Variants in GORASP2 observed in about 807,000 individuals in gnomAD.
The protein encoded by GORASP2 is golgi reassembly stacking protein 2, also known as Golgi reassembly-stacking protein 2.
A neutral mutation model predicts 45.7 loss-of-function variants in GORASP2; 22 were observed. The ratio of observed to expected loss-of-function variants is 0.48; its 90% confidence interval spans 0.34 to 0.69. The LOEUF (loss-of-function observed/expected upper bound fraction) is 0.69, where lower values mean the gene tolerates loss of function less well. GORASP2 is among the 30% of genes least tolerant of loss of function. The pLI, the probability that GORASP2 is intolerant of heterozygous loss-of-function variation, is 0.01. For missense variants in GORASP2, 491 were observed against 562.7 expected, an observed-to-expected ratio of 0.87 and a Z score of 1.29; for synonymous variants, 221 against 215.6, an observed-to-expected ratio of 1.02 and a Z score of -0.22.
intron 7 of GORASP2, among the ~76,000 whole-genome samples, chr2:170,961,459 T>C (rs1454202188): frequency 3.3e-5 from 5 of 152,222 alleles, no homozygotes; most frequent in African/African-American, 1.2e-4. Flanking sequence ...TCACAGGCTC[T>C]GGTAACAGCC....
intron 1 of GORASP2, among the ~76,000 whole-genome samples, chr2:170,936,043 C>T (rs956133468): frequency 6.6e-6 from 1 of 152,068 alleles, no homozygotes; most frequent in Non-Finnish European, 1.5e-5. Flanking sequence ...ACTAACAGGG[C>T]TTTTTAATAA....
At chr2:170,937,951 C>T (rs1184326794) in intron 1 of GORASP2, among the ~76,000 whole-genome samples, 1 of 152,166 alleles carries the variant, frequency 6.6e-6, no homozygotes, top group Non-Finnish European at 1.5e-5. Flanking sequence ...CATTCTGTTT[C>T]CTTGAGCAAC....
At chr2:170,929,543 G>A in intron 1 of GORASP2, 140 bp downstream of exon 1, 1 of 716,920 alleles carries the variant, frequency 1.4e-6, no homozygotes, top group Non-Finnish European at 2.2e-6. Context: ...CGCTGCCTTG[G>A]TCGAGGCTGG....
intron 1 of GORASP2, among the ~76,000 whole-genome samples, chr2:170,931,964 A>T (rs548851860): frequency 3.3e-5 from 5 of 152,366 alleles, no homozygotes; most frequent in African/African-American, 1.2e-4. Context: ...ACAGTGGCTC[A>T]CACCTGTAAT....
At chr2:170,932,240 G>C (rs1703841442) in intron 1 of GORASP2, among the ~76,000 whole-genome samples, 1 of 152,046 alleles carries the variant, frequency 6.6e-6, no homozygotes. Flanking sequence ...AAAAAAAAGA[G>C]TCTCTTCTTC....
chr2:170,952,003 G>A (rs769612996), intron 5 of GORASP2, among the ~76,000 whole-genome samples: 4 of 152,214 alleles, frequency 2.6e-5, no homozygotes, highest in Admixed American at 1.3e-4. Flanking sequence ...CATTGCCCAG[G>A]TTTGTAAATG....
At chr2:170,957,199 A>G (rs369948720) in intron 7 of GORASP2, among the ~76,000 whole-genome samples, 160 of 152,248 alleles carry the variant, frequency 1.1e-3, no homozygotes, top group African/African-American at 3.7e-3. Flanking sequence ...AGTAGTAGGC[A>G]CTGAGGATGC....
At chr2:170,954,559 CTCTTGGGTTA>C in intron 5 of GORASP2, 81 bp from the exon 6 acceptor site, 1 of 1,013,262 alleles carries the variant, frequency 9.9e-7, no homozygotes, top group Non-Finnish European at 1.5e-6. Context: ...TGAATCTATG[CTCTTGGGTTA>C]CCCGCCCCCC....
intron 1 of GORASP2, among the ~76,000 whole-genome samples, chr2:170,930,315 GT>G (rs1400066005): frequency 6.6e-6 from 1 of 152,206 alleles, no homozygotes; most frequent in East Asian, 1.9e-4. Context: ...ATTGATGGTT[GT>G]TTGCTGTGAC....
chr2:170,943,550 G>A lies in GORASP2; in HGVS notation c.64-4800G>A, dbSNP rs1023344834. Reference sequence around the variant, plus strand: ...GCAAATGAGAAAATTGAGGCCCAGCGTGGTAAATAAACTTTACCAAGCTCA... The same window carrying A: ...GCAAATGAGAAAATTGAGGCCCAGCATGGTAAATAAACTTTACCAAGCTCA... On this transcript the variant is annotated intron_variant, in intron 1 of 9. Coordinates refer to ENST00000234160, the MANE Select transcript of GORASP2 (RefSeq NM_015530.5). Among the ~76,000 whole-genome samples the A allele has an allele frequency of 5.9e-5, 9 of 152,296 alleles. No individual in the cohort carries two copies. The South Asian group carries it at 6.2e-4, about 11-fold the overall frequency.
intron 9 of GORASP2, 136 bp from the exon 10 acceptor site, chr2:170,965,654 C>T: frequency 3.0e-6 from 2 of 664,036 alleles, no homozygotes; most frequent in Non-Finnish European, 5.3e-6. Context: ...ATCTGGAAAT[C>T]AGCCAAGGTT....
chr2:170,942,232 TTACA>T (rs987358204), intron 1 of GORASP2, among the ~76,000 whole-genome samples: 1 of 152,204 alleles, frequency 6.6e-6, no homozygotes, highest in Middle Eastern at 3.2e-3. Flanking sequence ...GTGATAAAAG[TTACA>T]TACCAGAAAG....
At chr2:170,944,723 C>A (rs1228897823) in intron 1 of GORASP2, among the ~76,000 whole-genome samples, 1 of 152,054 alleles carries the variant, frequency 6.6e-6, no homozygotes, top group Non-Finnish European at 1.5e-5. Context: ...CTGTCTTTAG[C>A]CCTTTTTAAC....
chr2:170,941,691 T>C (rs923392973), intron 1 of GORASP2, among the ~76,000 whole-genome samples: 2 of 152,238 alleles, frequency 1.3e-5, no homozygotes, highest in African/African-American at 2.4e-5. Context: ...ATGTATATTA[T>C]TGTAGACCTT....
intron 1 of GORASP2, 44 bp downstream of exon 1, chr2:170,929,447 G>T (rs759561344): frequency 1.5e-6 from 2 of 1,318,614 alleles, no homozygotes; most frequent in East Asian, 6.2e-5. Flanking sequence ...GCTGGAGGCG[G>T]GGCCGGCCGC....
upstream of GORASP2, chr2:170,929,028 T>G: frequency 6.5e-6 from 2 of 306,916 alleles, no homozygotes; most frequent in East Asian, 1.0e-4. Context: ...GCGCCAAAGC[T>G]GGGGGAAGCG....
chr2:170,941,903 G>A (rs1220067269), intron 1 of GORASP2, among the ~76,000 whole-genome samples: 2 of 152,106 alleles, frequency 1.3e-5, no homozygotes, highest in Non-Finnish European at 2.9e-5. Flanking sequence ...GTCAAAAGGT[G>A]TGCATATTTT....
At chr2:170,960,544 A>G (rs948323732) in intron 7 of GORASP2, among the ~76,000 whole-genome samples, 1 of 152,250 alleles carries the variant, frequency 6.6e-6, no homozygotes, top group Admixed American at 6.5e-5. Context: ...TTATTGGGAA[A>G]GAGAAGAAAT....
At chr2:170,951,038 TTAA>T (rs547789677) in intron 4 of GORASP2, among the ~76,000 whole-genome samples, 191 of 152,114 alleles carry the variant, frequency 1.3e-3, no homozygotes, top group Non-Finnish European at 1.9e-3. Context: ...CAACCAGGTC[TTAA>T]TAATGGGAAG....
Sources: gnomAD v4.1 joint callset for allele counts (sites outside exome capture counted in the v4.1 genomes callset) on GRCh38, gnomAD v4.1.1 for gene constraint, MANE v1.5 for transcripts, NCBI Gene and HGNC (gene_info 2026-07-23, HGNC 2026-07-21) for gene names.